SYDE1: variants seen among roughly 807,000 people sequenced by gnomAD.
SYDE1 encodes synapse defective Rho GTPase activating protein 1.
SYDE1 carries 34 observed loss-of-function variants against 63.3 expected under a neutral mutation model. The ratio of observed to expected loss-of-function variants is 0.54; its 90% CI spans 0.41 to 0.71. SYDE1 has a LOEUF of 0.71. Ranked by LOEUF, SYDE1 falls within the 30% of genes least tolerant of loss-of-function variation. The pLI, the probability that SYDE1 is intolerant of heterozygous loss-of-function variation, is 0.00. For synonymous variants in SYDE1, 467 were observed against 473.4 expected, an observed-to-expected ratio of 0.99 and a Z score of 0.18; for missense variants, 925 against 1,042.5, an observed-to-expected ratio of 0.89 and a Z score of 1.55.
chr19:15,109,249 C>T lies in SYDE1; in HGVS notation c.282C>T (p.Thr94=), dbSNP rs149756333. 1,714 of 1,600,046 alleles carry T rather than the reference C, an allele frequency of 1.1e-3. 1 individual carries two copies. The highest frequency in any genetic ancestry group is 2.3e-3 in the Middle Eastern group (14 of 6,034). The part of the protein sequence containing the change: ...VLGGAKPAED[T]SLGPGVPGTG... ...GTGGGGCCAAGCCAGCTGAGGACAC[C>T]TCTTTAGGGCCTGGGGTACCTGGCA... is the stretch of plus-strand genomic sequence containing the variant. The change falls in exon 2 of 8, where the codon ACC becomes ACT. Residue 94 remains threonine (T), a synonymous_variant. Transcript: ENST00000342784. The surrounding 1 kb of genome is among the most constrained non-coding windows in gnomAD (Gnocchi z 5.0).
Position 15,111,458 on chromosome 19 carries a change from C to T in SYDE1, c.1417+19C>T, listed in dbSNP as rs1185362694. 6 of 1,612,720 alleles carry T rather than the reference C, an allele frequency of 3.7e-6. No homozygotes were observed. The South Asian group carries it at 6.6e-5, about 18-fold the overall frequency. On this transcript the variant is annotated intron_variant, in intron 5 of 7. Transcript: ENST00000342784. This position sits in a 1 kb window ranked among gnomAD's most constrained non-coding sequence, Gnocchi z 5.5. Reference sequence around the variant, plus strand: ...ATCACTGGTCAGCATGGCCCCCTCTCCCCTGCCTGCTCACCCCCATTCAAT... The same window carrying T: ...ATCACTGGTCAGCATGGCCCCCTCTTCCCTGCCTGCTCACCCCCATTCAAT...
At position 15,107,491 on chromosome 19, in the gene SYDE1, C is replaced by G. The variant is rs761909227; in HGVS notation, c.58C>G (p.Pro20Ala). ...CCGCCTGCGGGGCCGGGAGAAACTT[C>G]CCCGGAAAAAGTCGGACGCCAAGGA... ...FSRLRGREKL[P>A]RKKSDAKERG... The change falls in exon 1 of 8, where the codon CCC becomes GCC. Residue 20 changes from proline to alanine, a missense_variant. This residue lies in a region of SYDE1 where 599 missense variants were observed against 653.7 expected (regional missense o/e 0.92). Coordinates refer to ENST00000342784, the MANE Select transcript of SYDE1 (RefSeq NM_033025.6). 5.8e-6 allele frequency: 9 copies of G among 1,545,808 alleles called. No individual in the cohort carries two copies. The South Asian group carries it at 9.5e-5, about 16-fold the overall frequency.
chr19:15,108,872 T>A lies in SYDE1; in HGVS notation c.89-184T>A. 1 of 954,226 alleles carries A rather than the reference T, an allele frequency of 1.0e-6. No homozygotes were observed. Among genetic ancestry groups the A allele is most frequent in the Non-Finnish European group, 1.5e-6 (1 of 686,938 alleles). 59.1% of individuals were successfully genotyped at this position (954,226 alleles called of 1,614,324 possible). On this transcript the variant is annotated intron_variant, in intron 1 of 7. Coordinates refer to ENST00000342784, the MANE Select transcript of SYDE1 (RefSeq NM_033025.6). The surrounding 1 kb of genome is among the most constrained non-coding windows in gnomAD (Gnocchi z 4.3). ...GGACTGAGTAGGGGGTGCTCTAAGC[T>A]GATAACTGAGATCGCTAGCCTGTGG...
At position 15,112,563 on chromosome 19, in the gene SYDE1, C is replaced by A; in HGVS notation, c.1796C>A (p.Ser599Tyr). The change falls in exon 7 of 8, where the codon TCT becomes TAT. Residue 599 changes from serine (S) to tyrosine (Y), a missense_variant. By Grantham distance (144) the Ser-to-Tyr change is moderately radical (BLOSUM62 -2). Around this residue, in one of 3 missense-constraint regions of SYDE1, gnomAD observed 255 missense variants for 255.9 expected, o/e 1.00. Coordinates refer to ENST00000342784, the MANE Select transcript of SYDE1 (RefSeq NM_033025.6). ...GAGGTGCTGCACTACCTGCTGCAGT[C>A]TTGGCCAGGTGAGTTCATGCCCAGG... ...HIEVLHYLLQSWPDPRLPRQS... is the reference protein window; with the variant it reads ...HIEVLHYLLQYWPDPRLPRQS... 1.3e-6 allele frequency: 2 copies of A among 1,577,410 alleles called. No homozygotes were observed. Among genetic ancestry groups the A allele is most frequent in the South Asian group, 2.3e-5 (2 of 86,220 alleles).
In SYDE1 at chr19:15,111,594, C is replaced by CTT. The variant is rs1270263976; in HGVS notation, c.1418-38_1418-37insTT. The stretch of plus-strand genomic sequence containing the variant: ...CTGTGCCCTCCTTAGCCTTAGAAGC[C>CTT]AGTGGTGCCCTGACCAGAGGGGACC... On this transcript the variant is annotated intron_variant, in intron 5 of 7. Transcript: ENST00000342784. The surrounding 1 kb of genome is among the most constrained non-coding windows in gnomAD (Gnocchi z 5.5). The CTT allele has an allele frequency of 6.2e-7, 1 of 1,612,092 alleles. No homozygotes were observed. The highest frequency in any genetic ancestry group is 1.3e-5 in the African/African-American group (1 of 74,884).
chr19:15,112,441 G>C lies in SYDE1; in HGVS notation c.1674G>C (p.Gly558=). The C allele has an allele frequency of 6.2e-7, 1 of 1,602,316 alleles. No individual in the cohort carries two copies. The highest frequency in any genetic ancestry group is 8.5e-7 in the Non-Finnish European group (1 of 1,174,994). Residue 558 remains glycine, a synonymous_variant, in exon 7 of 8, where the codon GGG becomes GGC. Coordinates refer to ENST00000342784, the MANE Select transcript of SYDE1 (RefSeq NM_033025.6). ...CACAGAACTTGGCCGTGTGCTTCGG[G>C]CCTGTGCTGCTGCCGGCACGCCAGG... ...MTPQNLAVCF[G]PVLLPARQAP... is the part of the protein sequence containing the mutation.
At chr19:15,113,460 A>C in intron 7 of SYDE1, 100 bp from the exon 8 acceptor site, 1 of 1,398,770 alleles carries the variant, frequency 7.1e-7, no homozygotes, top group South Asian at 1.4e-5. Flanking sequence ...GAAAGGGTCG[A>C]AGGCCGCTTT....
Position 15,110,226 on chromosome 19 carries a change from C to G in SYDE1, c.953C>G (p.Thr318Ser). The G allele has an allele frequency of 3.5e-6, 5 of 1,419,148 alleles. No individual in the cohort carries two copies. Among genetic ancestry groups the G allele is most frequent in the Non-Finnish European group, 4.6e-6 (5 of 1,089,290 alleles). 87.9% of individuals were successfully genotyped at this position (1,419,148 alleles called of 1,614,324 possible). A position where few individuals can be genotyped will look rare whatever the true frequency, so the allele number is the denominator to read the frequency against. Residue 318 changes from threonine to serine, a missense_variant, in exon 3 of 8, where the codon ACC (threonine) becomes AGC (serine). Thr to Ser is a moderately conservative substitution (Grantham distance 58). This residue lies in a region of SYDE1 where 599 missense variants were observed against 653.7 expected (regional missense o/e 0.92). Transcript: ENST00000342784. This position sits in a 1 kb window ranked among gnomAD's most constrained non-coding sequence, Gnocchi z 6.9. The stretch of plus-strand genomic sequence containing the variant: ...CCGGACTTCCTGCGGCTGGACCACA[C>G]CTTCCACCTGGAGCTGGAGGCCGCC... ...GGPDFLRLDH[T>S]FHLELEAARL...
rs2046343400 is a variant in SYDE1, at chr19:15,111,171, G to C, written c.1291-142G>C. 1.2e-6 allele frequency: 1 copy of C among 848,528 alleles called. No individual in the cohort carries two copies. The highest frequency in any genetic ancestry group is 2.6e-5 in the East Asian group (1 of 38,302). 52.6% of individuals were successfully genotyped at this position (848,528 alleles called of 1,614,324 possible). A position where few individuals can be genotyped will look rare whatever the true frequency, so the allele number is the denominator to read the frequency against. On this transcript the variant is annotated intron_variant, in intron 4 of 7. Coordinates refer to ENST00000342784, the MANE Select transcript of SYDE1 (RefSeq NM_033025.6). The surrounding 1 kb of genome is among the most constrained non-coding windows in gnomAD (Gnocchi z 5.5). ...GTAGTCCAAGCAGAGGGTTTACAAG[G>C]CCAGGTTGTCAAGGTAGTTCCAACC...
In SYDE1 at chr19:15,110,277, C is replaced by A. The variant is rs948897545; in HGVS notation, c.1004C>A (p.Ala335Glu). The change falls in exon 3 of 8, where the codon GCG (alanine) becomes GAG (glutamate). Residue 335 changes from alanine (A) to glutamate (E), a missense_variant. Ala to Glu is a moderately radical substitution (Grantham distance 107). This residue lies in a region of SYDE1 where 599 missense variants were observed against 653.7 expected (regional missense o/e 0.92). Transcript: ENST00000342784. The surrounding 1 kb of genome is among the most constrained non-coding windows in gnomAD (Gnocchi z 6.9). ...AARLLRALVL[A>E]WDPGVRRHRP... Reference sequence around the variant, plus strand: ...AGGCTCCTGCGCGCCCTGGTGCTTGCGTGGGACCCTGGCGTGAGAAGGCAC... The same window carrying A: ...AGGCTCCTGCGCGCCCTGGTGCTTGAGTGGGACCCTGGCGTGAGAAGGCAC... 25 of 1,417,700 alleles carry A rather than the reference C, an allele frequency of 1.8e-5. No homozygotes were observed. Among genetic ancestry groups the A allele is most frequent in the Admixed American group, 3.0e-5 (1 of 32,932 alleles). 87.8% of individuals were successfully genotyped at this position (1,417,700 alleles called of 1,614,324 possible).
Position 15,109,043 on chromosome 19 carries a change from T to C in SYDE1, c.89-13T>C, listed in dbSNP as rs2145321182. On this transcript the variant is annotated splice_polypyrimidine_tract_variant and intron_variant, in intron 1 of 7. Transcript: ENST00000342784. This position sits in a 1 kb window ranked among gnomAD's most constrained non-coding sequence, Gnocchi z 5.0. ...GGGGCTGGGTGGGTCTCACTCCCCT[T>C]GCTCTCTGCCAGGCCACCCAGCCCA... 1 of 1,471,218 alleles carries C rather than the reference T, an allele frequency of 6.8e-7. No homozygotes were observed. The highest frequency in any genetic ancestry group is 2.5e-5 in the East Asian group (1 of 40,466). 91.1% of individuals were successfully genotyped at this position (1,471,218 alleles called of 1,614,324 possible). A position where few individuals can be genotyped will look rare whatever the true frequency, so the allele number is the denominator to read the frequency against.
In SYDE1 at chr19:15,108,737, T is replaced by G; in HGVS notation, c.89-319T>G. 3.6e-6 allele frequency: 1 copy of G among 280,376 alleles called. No individual in the cohort carries two copies. 17.4% of individuals were successfully genotyped at this position (280,376 alleles called of 1,614,324 possible). ...CAGGTGCAAAGCTCCATGCCACGGTTATTGAGAGGGTAGAGGAAGTGGAGA... is the reference window on the plus strand; with the variant it reads ...CAGGTGCAAAGCTCCATGCCACGGTGATTGAGAGGGTAGAGGAAGTGGAGA... On this transcript the variant is annotated intron_variant, in intron 1 of 7. Coordinates refer to ENST00000342784, the MANE Select transcript of SYDE1 (RefSeq NM_033025.6). This position sits in a 1 kb window ranked among gnomAD's most constrained non-coding sequence, Gnocchi z 4.3.
chr19:15,114,039 G>A lies in SYDE1; in HGVS notation c.*76G>A, dbSNP rs555678172. On this transcript the variant is annotated 3_prime_UTR_variant, in exon 8 of 8. Coordinates refer to ENST00000342784, the MANE Select transcript of SYDE1 (RefSeq NM_033025.6). Reference sequence around the variant, plus strand: ...CTAAGGCGGTGCCCTGGTGACCAAGGAGAGCCAGACCTGTTGCTCAGGCCG... The same window carrying A: ...CTAAGGCGGTGCCCTGGTGACCAAGAAGAGCCAGACCTGTTGCTCAGGCCG... The A allele has an allele frequency of 1.1e-4, 166 of 1,458,246 alleles. No homozygotes were observed. The highest frequency in any genetic ancestry group is 1.5e-4 in the Non-Finnish European group (161 of 1,074,770). 90.3% of individuals were successfully genotyped at this position (1,458,246 alleles called of 1,614,324 possible). A position where few individuals can be genotyped will look rare whatever the true frequency, so the allele number is the denominator to read the frequency against.
chr19:15,110,505 C>G lies in SYDE1; in HGVS notation c.1076-16C>G. 6.4e-7 allele frequency: 1 copy of G among 1,558,978 alleles called. No homozygotes were observed. The highest frequency in any genetic ancestry group is 8.7e-7 in the Non-Finnish European group (1 of 1,154,198). On this transcript the variant is annotated splice_polypyrimidine_tract_variant and intron_variant, in intron 3 of 7. Coordinates refer to ENST00000342784, the MANE Select transcript of SYDE1 (RefSeq NM_033025.6). The surrounding 1 kb of genome is among the most constrained non-coding windows in gnomAD (Gnocchi z 6.9). ...GCTTCAGAGCACACCCGGCTCAGGC[C>G]CCCTTGTGTCCTCAGGGTGCCAGGC...
At position 15,111,813 on chromosome 19, in the gene SYDE1, GTGATGGGACT is replaced by G; in HGVS notation, c.1578+25_1578+34del. 1.9e-6 allele frequency: 3 copies of G among 1,553,524 alleles called. No individual in the cohort carries two copies. The highest frequency in any genetic ancestry group is 2.6e-6 in the Non-Finnish European group (3 of 1,150,312). ...AAAGGGTGAGTTGGGCCTGGTGGGAGTGATGGGACTTGAGAGTGGGCTGATACCAATAGAA... is the reference window on the plus strand; with the variant it reads ...AAAGGGTGAGTTGGGCCTGGTGGGAGTGAGAGTGGGCTGATACCAATAGAA... On this transcript the variant is annotated intron_variant, in intron 6 of 7. Transcript: ENST00000342784. This position sits in a 1 kb window ranked among gnomAD's most constrained non-coding sequence, Gnocchi z 5.5.
chr19:15,114,014 C>A lies in SYDE1; in HGVS notation c.*51C>A, dbSNP rs779930940. The A allele has an allele frequency of 3.2e-6, 5 of 1,546,800 alleles. No homozygotes were observed. In the East Asian group the frequency reaches 9.0e-5, roughly 28 times the overall value. On this transcript the variant is annotated 3_prime_UTR_variant, in exon 8 of 8. Coordinates refer to ENST00000342784, the MANE Select transcript of SYDE1 (RefSeq NM_033025.6). ...TTAGTAAGGACCGGGCGCCCAGTGG[C>A]TAAGGCGGTGCCCTGGTGACCAAGG...
chr19:15,114,105 T>TG lies in SYDE1; in HGVS notation c.*143dup. The TG allele has an allele frequency of 2.5e-6, 2 of 800,760 alleles. No homozygotes were observed. The highest frequency in any genetic ancestry group is 4.0e-6 in the Non-Finnish European group (2 of 502,494). 49.6% of individuals were successfully genotyped at this position (800,760 alleles called of 1,614,324 possible). The stretch of plus-strand genomic sequence containing the variant: ...GCGAGTTACCACGGGACCAGTCGCG[T>TG]GTATGGCTGAGACTCATTCCCAGTT... On this transcript the variant is annotated 3_prime_UTR_variant, in exon 8 of 8. Coordinates refer to ENST00000342784, the MANE Select transcript of SYDE1 (RefSeq NM_033025.6).
rs1306693788 is a variant in SYDE1 at position 15,111,809 on chromosome 19, G to A, written c.1578+17G>A. 6.4e-7 allele frequency: 1 copy of A among 1,554,036 alleles called. No individual in the cohort carries two copies. The highest frequency in any genetic ancestry group is 1.2e-5 in the South Asian group (1 of 80,848). On this transcript the variant is annotated intron_variant, in intron 6 of 7. Transcript: ENST00000342784. This position sits in a 1 kb window ranked among gnomAD's most constrained non-coding sequence, Gnocchi z 5.5. Reference sequence around the variant, plus strand: ...GTGGAAAGGGTGAGTTGGGCCTGGTGGGAGTGATGGGACTTGAGAGTGGGC... The same window carrying A: ...GTGGAAAGGGTGAGTTGGGCCTGGTAGGAGTGATGGGACTTGAGAGTGGGC...
Position 15,114,001 on chromosome 19 carries a change from G to A in SYDE1, c.*38G>A, listed in dbSNP as rs751016780. 1.9e-5 allele frequency: 30 copies of A among 1,579,378 alleles called. No individual in the cohort carries two copies. The highest frequency in any genetic ancestry group is 8.6e-5 in the Admixed American group (5 of 57,910). On this transcript the variant is annotated 3_prime_UTR_variant, in exon 8 of 8. Coordinates refer to ENST00000342784, the MANE Select transcript of SYDE1 (RefSeq NM_033025.6). ...GGTGGGACCCCGGTTAGTAAGGACC[G>A]GGCGCCCAGTGGCTAAGGCGGTGCC...
Sources: gnomAD v4.1 joint callset for allele counts on GRCh38, gnomAD v4.1.1 for gene constraint, gnomAD v4.1.1 regional missense constraint, Gnocchi (gnomAD v3.1) non-coding constraint, MANE v1.5 for transcripts, NCBI Gene and HGNC (gene_info 2026-07-23, HGNC 2026-07-21) for gene names.